The following JAKMIP1 variants were observed in gnomAD, a reference collection of about 807,000 sequenced individuals.
The protein encoded by JAKMIP1 is janus kinase and microtubule-interacting protein 1.
Under a neutral mutation model 113.0 loss-of-function variants are expected in JAKMIP1, and 33 were observed. The ratio of observed to expected loss-of-function variants is 0.29; its 90% CI spans 0.22 to 0.39. The LOEUF is 0.39. JAKMIP1 is among the 10% of genes least tolerant of loss of function. The pLI, the probability that JAKMIP1 is intolerant of heterozygous loss-of-function variation, is 1.00. For synonymous variants in JAKMIP1, 480 were observed against 459.9 expected, an observed-to-expected ratio of 1.04 and a Z score of -0.56; for missense variants, 813 against 1,080.5, an observed-to-expected ratio of 0.75 and a Z score of 3.47.
In JAKMIP1 at chr4:6,084,827, G is replaced by C; in HGVS notation, c.954+19C>G. On this transcript the variant is annotated intron_variant, in intron 5 of 20. Coordinates refer to ENST00000409021, the MANE Select transcript of JAKMIP1 (RefSeq NM_001099433.2). ...CCTTGCACCCTATGAGGCACCGCCT[G>C]TCTCTTGGGGCTACTTACCAGTTCA... 1 of 1,608,318 alleles carries C rather than the reference G, an allele frequency of 6.2e-7. No individual in the cohort carries two copies. The highest frequency in any genetic ancestry group is 8.5e-7 in the Non-Finnish European group (1 of 1,178,320).
rs1719645049 is a variant in JAKMIP1, at chr4:6,138,825, T to C, written c.-147-25828A>G. Among the ~76,000 whole-genome samples, 2 of 152,112 alleles carry C rather than the reference T, an allele frequency of 1.3e-5. No individual in the cohort carries two copies. Among genetic ancestry groups the C allele is most frequent in the African/African-American group, 4.8e-5 (2 of 41,458 alleles). On this transcript the variant is annotated intron_variant, in intron 1 of 20. Transcript: ENST00000409021. This position sits in a 1 kb window ranked among gnomAD's most constrained non-coding sequence, Gnocchi z 6.0. ...TTCAGTTTCCCCTAACCTGGAAAAA[T>C]GAGGAAAATCATAGTACCTGCCCCG...
Position 6,145,463 on chromosome 4 carries a change from C to A in JAKMIP1, c.-147-32466G>T, listed in dbSNP as rs186507078. ...CCTTCACAGTCCCAGTGGTTCTTGG[C>A]CTGGGGTGCTCTCAAAAATATCCAT... is the stretch of plus-strand genomic sequence containing the variant. On this transcript the variant is annotated intron_variant, in intron 1 of 20. Coordinates refer to ENST00000409021, the MANE Select transcript of JAKMIP1 (RefSeq NM_001099433.2). Among the ~76,000 whole-genome samples the A allele has an allele frequency of 5.5e-5, 8 of 146,624 alleles. No individual in the cohort carries two copies. The Admixed American group carries it at 5.6e-4, about 10-fold the overall frequency.
intron 3 of JAKMIP1, among the ~76,000 whole-genome samples, chr4:6,100,294 G>A (rs1481937537): frequency 1.3e-5 from 2 of 152,084 alleles, no homozygotes; most frequent in Admixed American, 1.3e-4. Flanking sequence ...TATAGATTTG[G>A]CTATTCTGGA....
chr4:6,083,937 G>A (rs1376932737), intron 5 of JAKMIP1, among the ~76,000 whole-genome samples: 1 of 152,004 alleles, frequency 6.6e-6, no homozygotes, highest in African/African-American at 2.4e-5. Context: ...TAATGTATAA[G>A]TTTTAGTTTA....
chr4:6,096,939 A>T (rs1711890144), intron 3 of JAKMIP1, among the ~76,000 whole-genome samples: 1 of 152,200 alleles, frequency 6.6e-6, no homozygotes, highest in African/African-American at 2.4e-5. Flanking sequence ...CAAAGTTCTC[A>T]CTGTCTCAGC....
At position 6,089,420 on chromosome 4, in the gene JAKMIP1, G is replaced by A. The variant is rs1177095826; in HGVS notation, c.625-3791C>T. On this transcript the variant is annotated intron_variant, in intron 3 of 20. Transcript: ENST00000409021. The surrounding 1 kb of genome is among the most constrained non-coding windows in gnomAD (Gnocchi z 5.3). ...CTCTCTTAATGCTAGCGTGAGCTAG[G>A]TACTCATTTGTACTTAAGAGACACT... 6.6e-6 allele frequency among the ~76,000 whole-genome samples: 1 copy of A among 152,170 alleles called. No individual in the cohort carries two copies. The highest frequency in any genetic ancestry group is 2.4e-5 in the African/African-American group (1 of 41,442).
chr4:6,098,023 G>A (rs781237237), intron 3 of JAKMIP1, among the ~76,000 whole-genome samples: 1 of 152,204 alleles, frequency 6.6e-6, no homozygotes, highest in East Asian at 1.9e-4. Context: ...GTGTAGTGTC[G>A]AGTTTGGAGT....
chr4:6,134,448 G>A lies in JAKMIP1; in HGVS notation c.-147-21451C>T, dbSNP rs190078638. ...CTCTCTTCTTGAAATGCCCCTCCCC[G>A]TCTTTTCCACCTGTTCATCTTCTTT... On this transcript the variant is annotated intron_variant, in intron 1 of 20. Coordinates refer to ENST00000409021, the MANE Select transcript of JAKMIP1 (RefSeq NM_001099433.2). Among the ~76,000 whole-genome samples, 10 of 152,172 alleles carry A rather than the reference G, an allele frequency of 6.6e-5. No homozygotes were observed. The East Asian group carries it at 9.7e-4, about 15-fold the overall frequency.
In JAKMIP1 at chr4:6,150,708, G is replaced by T. The variant is rs145070558; in HGVS notation, c.-147-37711C>A. 1.6e-3 allele frequency among the ~76,000 whole-genome samples: 248 copies of T among 152,250 alleles called. 1 individual carries two copies. The highest frequency in any genetic ancestry group is 5.7e-3 in the African/African-American group (236 of 41,534). On this transcript the variant is annotated intron_variant, in intron 1 of 20. Transcript: ENST00000409021. This position sits in a 1 kb window ranked among gnomAD's most constrained non-coding sequence, Gnocchi z 4.8. ...CCCAGAAAACTGCCCTGATGCTACA[G>T]GTAGGAAGAAAAATCTTTTAAAAGC... is the stretch of plus-strand genomic sequence containing the variant.
At chr4:6,100,964 G>T (rs1163094604) in intron 3 of JAKMIP1, among the ~76,000 whole-genome samples, 1 of 152,006 alleles carries the variant, frequency 6.6e-6, no homozygotes, top group East Asian at 1.9e-4. Context: ...TGTGGTTATA[G>T]GTATTGAACA....
rs1339751339 is a variant in JAKMIP1 at position 6,155,192 on chromosome 4, C to T, written c.-147-42195G>A. Among the ~76,000 whole-genome samples the T allele has an allele frequency of 6.6e-6, 1 of 152,114 alleles. No individual in the cohort carries two copies. The highest frequency in any genetic ancestry group is 1.5e-5 in the Non-Finnish European group (1 of 68,018). On this transcript the variant is annotated intron_variant, in intron 1 of 20. Transcript: ENST00000409021. The surrounding 1 kb of genome is among the most constrained non-coding windows in gnomAD (Gnocchi z 6.1). ...ACATGAATGCCTGGCTGGAGCTTCC[C>T]TCCGCAGTGACCCTGGTGTGCCCAC...
At chr4:6,173,844 G>C (rs982892843) in intron 1 of JAKMIP1, among the ~76,000 whole-genome samples, 1 of 152,206 alleles carries the variant, frequency 6.6e-6, no homozygotes, top group African/African-American at 2.4e-5. Flanking sequence ...GGGAGGCCAA[G>C]GCGGGCGGAT....
chr4:6,043,506 G>A (rs1211870762), intron 16 of JAKMIP1, among the ~76,000 whole-genome samples: 2 of 151,388 alleles, frequency 1.3e-5, no homozygotes, highest in African/African-American at 4.9e-5. Flanking sequence ...GCCCCACCAC[G>A]CCCTGTGTGC....
intron 8 of JAKMIP1, among the ~76,000 whole-genome samples, chr4:6,072,657 C>T (rs1164145578): frequency 1.3e-5 from 2 of 152,182 alleles, no homozygotes; most frequent in Non-Finnish European, 2.9e-5. Context: ...CCAGCAGCTT[C>T]GAGTAGCTGG....
At chr4:6,077,405 G>C (rs1002372091) in intron 8 of JAKMIP1, among the ~76,000 whole-genome samples, 7 of 152,044 alleles carry the variant, frequency 4.6e-5, no homozygotes, top group African/African-American at 1.4e-4. Flanking sequence ...GGTTTTAGAG[G>C]GAGGGAACGT....
intron 1 of JAKMIP1, among the ~76,000 whole-genome samples, chr4:6,120,444 A>T (rs990258658): frequency 2.0e-5 from 3 of 152,206 alleles, no homozygotes; most frequent in Non-Finnish European, 4.4e-5. Context: ...GGCAGTGGAA[A>T]ACTGGAAATA....
Position 6,140,668 on chromosome 4 carries a change from A to G in JAKMIP1, c.-147-27671T>C, listed in dbSNP as rs1382182226. ...CTCCTTTTGATCTGTCTTCTCCAAGACATTTTCCACAATGAAAATGTAATG... is the reference window on the plus strand; with the variant it reads ...CTCCTTTTGATCTGTCTTCTCCAAGGCATTTTCCACAATGAAAATGTAATG... On this transcript the variant is annotated intron_variant, in intron 1 of 20. Transcript: ENST00000409021. The surrounding 1 kb of genome is among the most constrained non-coding windows in gnomAD (Gnocchi z 9.4). Among the ~76,000 whole-genome samples, 1 of 152,114 alleles carries G rather than the reference A, an allele frequency of 6.6e-6. No individual in the cohort carries two copies. Among genetic ancestry groups the G allele is most frequent in the Non-Finnish European group, 1.5e-5 (1 of 68,032 alleles).
rs1728006860 is a variant in JAKMIP1 at position 6,197,826 on chromosome 4, G to C, written c.-148+2427C>G. Among the ~76,000 whole-genome samples, 1 of 152,246 alleles carries C rather than the reference G, an allele frequency of 6.6e-6. No homozygotes were observed. Among genetic ancestry groups the C allele is most frequent in the African/African-American group, 2.4e-5 (1 of 41,476 alleles). On this transcript the variant is annotated intron_variant, in intron 1 of 20. Transcript: ENST00000409021. This position sits in a 1 kb window ranked among gnomAD's most constrained non-coding sequence, Gnocchi z 6.5. The stretch of plus-strand genomic sequence containing the variant: ...CCACCCTCGAGGAGTTAAACAGATA[G>C]CCATAGCCTGCAGTGGCAATTGCTG...
chr4:6,029,104 T>G (rs1578024867), intron 20 of JAKMIP1, among the ~76,000 whole-genome samples: 1 of 152,208 alleles, frequency 6.6e-6, no homozygotes, highest in South Asian at 2.1e-4. Context: ...CAGGATGGGA[T>G]GGCTATGACA....
Sources: gnomAD v4.1 joint callset for allele counts (sites outside exome capture counted in the v4.1 genomes callset) on GRCh38, gnomAD v4.1.1 for gene constraint, Gnocchi (gnomAD v3.1) non-coding constraint, MANE v1.5 for transcripts, NCBI Gene and HGNC (gene_info 2026-07-23, HGNC 2026-07-21) for gene names.